CDC37: variants seen among roughly 807,000 people sequenced by gnomAD.
The protein encoded by CDC37 is cell division cycle 37, HSP90 cochaperone, also known as hsp90 co-chaperone Cdc37.
In CDC37, 9 loss-of-function variants were observed where a neutral mutation model predicts 46.9. The observed-to-expected ratio is 0.19, with a 90% CI of 0.12 to 0.33. The LOEUF is 0.33. Ranked by LOEUF, CDC37 falls within the 10% of genes least tolerant of loss-of-function variation. The pLI is 1.00. For missense variants in CDC37, 388 were observed against 514.6 expected (o/e 0.75, Z 2.38); for synonymous variants, 193 against 191.0 (o/e 1.01, Z -0.09).
chr19:10,392,708 A>T, intron 7 of CDC37: 3 of 257,578 alleles, frequency 1.2e-5, no homozygotes, highest in African/African-American at 2.2e-5. Flanking sequence ...CTGTCTCTCA[A>T]AAACAAGTAG....
chr19:10,399,184 C>T (rs535876439), intron 1 of CDC37, among the ~76,000 whole-genome samples: 1 of 152,056 alleles, frequency 6.6e-6, no homozygotes, highest in Non-Finnish European at 1.5e-5. Flanking sequence ...AGAAGGCCTA[C>T]GTGGTCGAGC....
At position 10,403,541 on chromosome 19, in the gene CDC37, C is replaced by A. The variant is rs914289636; in HGVS notation, c.-62G>T. The A allele has an allele frequency of 7.8e-7, 1 of 1,290,136 alleles. No homozygotes were observed. The highest frequency in any genetic ancestry group is 1.1e-6 in the Non-Finnish European group (1 of 901,132). 79.9% of individuals were successfully genotyped at this position (1,290,136 alleles called of 1,614,324 possible). On this transcript the variant is annotated 5_prime_UTR_variant, in exon 1 of 8. Coordinates refer to ENST00000222005, the MANE Select transcript of CDC37 (RefSeq NM_007065.4). ...GCGGCGACGGCGGCAGCAGTGGAGA[C>A]TAGGAGCGCGGAGCCCCGCCCCTTC... is the stretch of plus-strand genomic sequence containing the variant.
intron 5 of CDC37, 83 bp downstream of exon 5, chr19:10,394,938 G>T: frequency 7.1e-7 from 1 of 1,415,904 alleles, no homozygotes; most frequent in Non-Finnish European, 9.4e-7. Flanking sequence ...TCCCAGTGGA[G>T]AGGAGTCGGC....
chr19:10,393,831 C>T lies in CDC37; in HGVS notation c.727-390G>A, dbSNP rs192626066. On this transcript the variant is annotated intron_variant, in intron 5 of 7. Coordinates refer to ENST00000222005, the MANE Select transcript of CDC37 (RefSeq NM_007065.4). This position sits in a 1 kb window ranked among gnomAD's most constrained non-coding sequence, Gnocchi z 4.9. ...GCTAGGCCGGGCGCGGTGGCTCACG[C>T]CTGTAATCCCAGCACTTTGGGAGGC... is the stretch of plus-strand genomic sequence containing the variant. 2.4e-3 allele frequency: 418 copies of T among 173,118 alleles called. No homozygotes were observed. The highest frequency in any genetic ancestry group is 4.1e-3 in the Non-Finnish European group (333 of 81,706). The allele number at this position is 173,118 out of a possible 1,614,324, so 10.7% of individuals were successfully genotyped here.
chr19:10,398,258 C>T lies in CDC37; in HGVS notation c.103-2055G>A, dbSNP rs900480306. ...GTCCCAGGCAGATACTGGCCCTCAT[C>T]GTTCCCCGAAAGTACGGGCTCTGTC... On this transcript the variant is annotated intron_variant, in intron 1 of 7. Coordinates refer to ENST00000222005, the MANE Select transcript of CDC37 (RefSeq NM_007065.4). This position sits in a 1 kb window ranked among gnomAD's most constrained non-coding sequence, Gnocchi z 4.2. 4.6e-5 allele frequency among the ~76,000 whole-genome samples: 7 copies of T among 152,228 alleles called. No individual in the cohort carries two copies. Among genetic ancestry groups the T allele is most frequent in the East Asian group, 1.9e-4 (1 of 5,202 alleles).
At chr19:10,394,146 C>T (rs913898325) in intron 5 of CDC37, among the ~76,000 whole-genome samples, 3 of 152,140 alleles carry the variant, frequency 2.0e-5, no homozygotes, top group African/African-American at 7.2e-5. Context: ...CACCTGTAAT[C>T]CCAGCTACTT....
intron 1 of CDC37, among the ~76,000 whole-genome samples, chr19:10,401,490 A>G (rs2042518592): frequency 6.6e-6 from 1 of 152,246 alleles, no homozygotes; most frequent in Non-Finnish European, 1.5e-5. Flanking sequence ...CCACAGTAGT[A>G]AAGATTAACC....
chr19:10,401,964 G>A (rs2042520680), intron 1 of CDC37, among the ~76,000 whole-genome samples: 2 of 151,936 alleles, frequency 1.3e-5, no homozygotes, highest in Non-Finnish European at 2.9e-5. Context: ...AGACCAGCCT[G>A]ACCAACATGG....
chr19:10,395,400 G>T (rs1321530450), intron 3 of CDC37, 35 bp downstream of exon 3: 1 of 1,603,204 alleles, frequency 6.2e-7, no homozygotes, highest in East Asian at 2.2e-5. Flanking sequence ...GGCCTGCCTC[G>T]ACCTTGCCCC....
Position 10,391,502 on chromosome 19 carries a change from A to G in CDC37, c.*49T>C, listed in dbSNP as rs781724129. 7 of 1,606,152 alleles carry G rather than the reference A, an allele frequency of 4.4e-6. No individual in the cohort carries two copies. Among genetic ancestry groups the G allele is most frequent in the South Asian group, 2.2e-5 (2 of 90,866 alleles). Reference sequence around the variant, plus strand: ...GATGGCATCTATCTGTTTTCTGAAAAGGGGCACATAGGGGCCTGGAAGCAG... The same window carrying G: ...GATGGCATCTATCTGTTTTCTGAAAGGGGGCACATAGGGGCCTGGAAGCAG... On this transcript the variant is annotated 3_prime_UTR_variant, in exon 8 of 8. Coordinates refer to ENST00000222005, the MANE Select transcript of CDC37 (RefSeq NM_007065.4).
In CDC37 at chr19:10,391,399, T is replaced by C. The variant is rs1465248871; in HGVS notation, c.*152A>G. On this transcript the variant is annotated 3_prime_UTR_variant, in exon 8 of 8. Coordinates refer to ENST00000222005, the MANE Select transcript of CDC37 (RefSeq NM_007065.4). ...AATGGGCGCTGGAGAGTGGAGACAG[T>C]GGAGAGGCCAGGGAGGGCTGGGCGG... is the stretch of plus-strand genomic sequence containing the variant. The C allele has an allele frequency of 4.8e-6, 4 of 834,936 alleles. No homozygotes were observed. The highest frequency in any genetic ancestry group is 1.8e-5 in the African/African-American group (1 of 56,796). 51.7% of individuals were successfully genotyped at this position (834,936 alleles called of 1,614,324 possible). A position where few individuals can be genotyped will look rare whatever the true frequency, so the allele number is the denominator to read the frequency against.
rs775113295 is a variant in CDC37, at chr19:10,393,087, G to T, written c.980C>A (p.Thr327Asn). The T allele has an allele frequency of 1.3e-5, 21 of 1,613,878 alleles. No homozygotes were observed. The highest frequency in any genetic ancestry group is 1.5e-5 in the Non-Finnish European group (18 of 1,179,774). The change falls in exon 7 of 8, where the codon ACC (threonine) becomes AAC (asparagine). Residue 327 changes from threonine to asparagine, a missense_variant and splice_region_variant. Transcript: ENST00000222005. The surrounding 1 kb of genome is among the most constrained non-coding windows in gnomAD (Gnocchi z 4.9). Reference sequence around the variant, plus strand: ...GCATGGGGCGCGGGGGTTACTCACGGTGGGGTCCATCTTGCTGATGGCGTC... The same window carrying T: ...GCATGGGGCGCGGGGGTTACTCACGTTGGGGTCCATCTTGCTGATGGCGTC... ...LQDAISKMDP[T>N]DAKYHMQRCI...
At position 10,396,131 on chromosome 19, in the gene CDC37, G is replaced by A. The variant is rs1223982195; in HGVS notation, c.175C>T (p.Arg59Cys). ...TTCCTCTGGCACTCGGCCACCTTGCGCTTGCACTCGCGGCAGCCCCTGTCC... is the reference window on the plus strand; with the variant it reads ...TTCCTCTGGCACTCGGCCACCTTGCACTTGCACTCGCGGCAGCCCCTGTCC... ...ELDRGCRECK[R>C]KVAECQRKLK... Residue 59 changes from arginine (R) to cysteine (C), a missense_variant, in exon 2 of 8, where the codon CGC becomes TGC. By Grantham distance (180) the Arg-to-Cys change is radical. Around this residue, in one of 2 missense-constraint regions of CDC37, gnomAD observed 374 missense variants for 467.4 expected, o/e 0.80. Transcript: ENST00000222005. This position sits in a 1 kb window ranked among gnomAD's most constrained non-coding sequence, Gnocchi z 5.9. 3 of 1,613,894 alleles carry A rather than the reference G, an allele frequency of 1.9e-6. No individual in the cohort carries two copies. The highest frequency in any genetic ancestry group is 1.7e-5 in the Admixed American group (1 of 59,982).
intron 1 of CDC37, among the ~76,000 whole-genome samples, chr19:10,400,213 G>A (rs2042511812): frequency 6.6e-6 from 1 of 152,080 alleles, no homozygotes; most frequent in Non-Finnish European, 1.5e-5. Context: ...CAGCAAGCAG[G>A]GCCCACAGAT....
Position 10,393,192 on chromosome 19 carries a change from G to T in CDC37, c.910-35C>A. Reference sequence around the variant, plus strand: ...CAGAGGGGCTGGGGTCAGGGGCTGGGTCCCTGTGGCCCTGGGGGGTCCCGC... The same window carrying T: ...CAGAGGGGCTGGGGTCAGGGGCTGGTTCCCTGTGGCCCTGGGGGGTCCCGC... On this transcript the variant is annotated intron_variant, in intron 6 of 7. Coordinates refer to ENST00000222005, the MANE Select transcript of CDC37 (RefSeq NM_007065.4). This position sits in a 1 kb window ranked among gnomAD's most constrained non-coding sequence, Gnocchi z 4.9. 1 of 1,612,418 alleles carries T rather than the reference G, an allele frequency of 6.2e-7. No individual in the cohort carries two copies. Among genetic ancestry groups the T allele is most frequent in the East Asian group, 2.2e-5 (1 of 44,858 alleles).
intron 1 of CDC37, among the ~76,000 whole-genome samples, chr19:10,401,545 G>A (rs1776202415): frequency 6.6e-6 from 1 of 152,202 alleles, no homozygotes. Flanking sequence ...AGTCTTTGGA[G>A]CTTTGAGGAA....
Position 10,403,501 on chromosome 19 carries a change from G to A in CDC37, c.-22C>T. The A allele has an allele frequency of 2.5e-6, 4 of 1,584,868 alleles. No homozygotes were observed. Among genetic ancestry groups the A allele is most frequent in the Non-Finnish European group, 3.5e-6 (4 of 1,156,266 alleles). ...CCATCTTGCCTTGGCGGCCCAGCCC[G>A]CTCCGGCTCGGGTGGCGGCGACGGC... On this transcript the variant is annotated 5_prime_UTR_variant, in exon 1 of 8. Transcript: ENST00000222005.
At chr19:10,392,963 C>T (rs1259476167) in intron 7 of CDC37, 123 bp downstream of exon 7, 9 of 805,896 alleles carry the variant, frequency 1.1e-5, no homozygotes, top group Middle Eastern at 6.4e-4. Context: ...TGACACGACC[C>T]CCCTTACTCC....
chr19:10,396,269 A>C lies in CDC37; in HGVS notation c.103-66T>G. ...GTCCCTTACCCCCGCCCCATACCCA[A>C]TCCCTGCACCGGAGATGGCCCCAGG... On this transcript the variant is annotated intron_variant, in intron 1 of 7. Coordinates refer to ENST00000222005, the MANE Select transcript of CDC37 (RefSeq NM_007065.4). This position sits in a 1 kb window ranked among gnomAD's most constrained non-coding sequence, Gnocchi z 5.9. The C allele has an allele frequency of 6.6e-7, 1 of 1,519,018 alleles. No individual in the cohort carries two copies. 94.1% of individuals were successfully genotyped at this position (1,519,018 alleles called of 1,614,324 possible). A position where few individuals can be genotyped will look rare whatever the true frequency, so the allele number is the denominator to read the frequency against.
Sources: gnomAD v4.1 joint callset for allele counts (sites outside exome capture counted in the v4.1 genomes callset) on GRCh38, gnomAD v4.1.1 for gene constraint, gnomAD v4.1.1 regional missense constraint, Gnocchi (gnomAD v3.1) non-coding constraint, MANE v1.5 for transcripts, NCBI Gene and HGNC (gene_info 2026-07-23, HGNC 2026-07-21) for gene names.